The following RBMS1 variants were observed in gnomAD, a reference collection of about 807,000 sequenced individuals.
RBMS1 encodes the protein RNA-binding motif, single-stranded-interacting protein 1.
In RBMS1, 17 loss-of-function variants were observed where a neutral mutation model predicts 62.3. The ratio of observed to expected loss-of-function variants is 0.27; its 90% CI spans 0.19 to 0.41. The LOEUF is 0.41. Ranked by LOEUF, RBMS1 falls within the 10% of genes least tolerant of loss-of-function variation. RBMS1 has a pLI of 1.00. For synonymous variants in RBMS1, 172 were observed against 170.0 expected (o/e 1.01, Z -0.09); for missense variants, 334 against 504.5 (o/e 0.66, Z 3.24).
intron 2 of RBMS1, among the ~76,000 whole-genome samples, chr2:160,325,032 G>T (rs1433600926): frequency 6.6e-6 from 1 of 151,784 alleles, no homozygotes; most frequent in Non-Finnish European, 1.5e-5. Flanking sequence ...AGCAGAGTCA[G>T]TAAGGGACGT....
intron 1 of RBMS1, among the ~76,000 whole-genome samples, chr2:160,477,839 A>G (rs896948862): frequency 6.6e-6 from 1 of 152,212 alleles, no homozygotes; most frequent in Non-Finnish European, 1.5e-5. Flanking sequence ...ATGACTTTTA[A>G]GGTGTTCATC....
chr2:160,446,578 A>G (rs1199650957), intron 1 of RBMS1, among the ~76,000 whole-genome samples: 1 of 152,210 alleles, frequency 6.6e-6, no homozygotes, highest in East Asian at 1.9e-4. Context: ...CCATGGACAC[A>G]TCAATATCAA....
intron 1 of RBMS1, among the ~76,000 whole-genome samples, chr2:160,466,324 T>G (rs887547569): frequency 3.9e-5 from 6 of 152,144 alleles, no homozygotes; most frequent in Non-Finnish European, 8.8e-5. Flanking sequence ...TAGAGATTCC[T>G]CTGAATATAA....
intron 1 of RBMS1, among the ~76,000 whole-genome samples, chr2:160,400,302 G>GAAATT (rs1443988460): frequency 1.4e-5 from 2 of 145,804 alleles, no homozygotes; most frequent in Middle Eastern, 3.5e-3. Context: ...CTCGGAACTG[G>GAAATT]AAATTAAATT....
At chr2:160,387,729 C>G (rs1235521217) in intron 1 of RBMS1, among the ~76,000 whole-genome samples, 2 of 152,074 alleles carry the variant, frequency 1.3e-5, no homozygotes, top group Non-Finnish European at 2.9e-5. Context: ...CAGCCTCCCC[C>G]ACAAAACACA....
chr2:160,423,934 C>T (rs1696535450), intron 1 of RBMS1, among the ~76,000 whole-genome samples: 1 of 152,142 alleles, frequency 6.6e-6, no homozygotes, highest in South Asian at 2.1e-4. Flanking sequence ...TCCGGTCTAC[C>T]TCAATGCCTT....
intron 1 of RBMS1, among the ~76,000 whole-genome samples, chr2:160,475,745 TTTAGA>T (rs376654883): frequency 6.6e-6 from 1 of 152,328 alleles, no homozygotes; most frequent in Middle Eastern, 3.4e-3. Flanking sequence ...AAATATTGTT[TTTAGA>T]TATGTAGCCA....
chr2:160,480,709 C>G (rs957144155), intron 1 of RBMS1, among the ~76,000 whole-genome samples: 10 of 151,998 alleles, frequency 6.6e-5, no homozygotes, highest in Non-Finnish European at 1.0e-4. Context: ...CAAGCCGATG[C>G]TAAAATTTAT....
At chr2:160,493,099 C>G (rs1553535953) in intron 1 of RBMS1, 190 bp downstream of exon 1, 4 of 566,534 alleles carry the variant, frequency 7.1e-6, no homozygotes, top group South Asian at 2.3e-5. Flanking sequence ...CCCCGCACTC[C>G]GCTCCCAGGG....
intron 2 of RBMS1, among the ~76,000 whole-genome samples, chr2:160,355,535 C>T (rs1197891540): frequency 1.3e-5 from 2 of 152,064 alleles, no homozygotes; most frequent in Non-Finnish European, 2.9e-5. Context: ...TCTTCCTCTA[C>T]CCTCCCTCTG....
intron 2 of RBMS1, among the ~76,000 whole-genome samples, chr2:160,350,529 G>C (rs1035392702): frequency 6.6e-6 from 1 of 151,956 alleles, no homozygotes; most frequent in Non-Finnish European, 1.5e-5. Context: ...CCAAGGAAAC[G>C]CTGGTACTGT....
chr2:160,372,211 C>T (rs1393372933), intron 1 of RBMS1, among the ~76,000 whole-genome samples: 5 of 151,886 alleles, frequency 3.3e-5, no homozygotes, highest in African/African-American at 1.2e-4. Flanking sequence ...AGCCACTTCT[C>T]TAATAATTCT....
At chr2:160,361,337 C>A (rs1458755302) in intron 2 of RBMS1, among the ~76,000 whole-genome samples, 3 of 152,250 alleles carry the variant, frequency 2.0e-5, no homozygotes, top group African/African-American at 7.2e-5. Flanking sequence ...ATTACCAAAT[C>A]TTGCACACCT....
chr2:160,311,921 C>G (rs1689944866), intron 4 of RBMS1, among the ~76,000 whole-genome samples: 1 of 152,114 alleles, frequency 6.6e-6, no homozygotes, highest in Non-Finnish European at 1.5e-5. Flanking sequence ...AAGACTGGGA[C>G]ATAAATATCA....
At chr2:160,446,819 C>T (rs1034511423) in intron 1 of RBMS1, among the ~76,000 whole-genome samples, 1 of 152,210 alleles carries the variant, frequency 6.6e-6, no homozygotes, top group African/African-American at 2.4e-5. Flanking sequence ...TCCCACAAAA[C>T]GTTCCACATG....
At chr2:160,394,464 CATT>C (rs1695031072) in intron 1 of RBMS1, among the ~76,000 whole-genome samples, 2 of 152,162 alleles carry the variant, frequency 1.3e-5, no homozygotes, top group South Asian at 4.1e-4. Flanking sequence ...AAAGAATATT[CATT>C]ATTAGAATGT....
chr2:160,414,063 T>C (rs1307447608), intron 1 of RBMS1, among the ~76,000 whole-genome samples: 2 of 152,240 alleles, frequency 1.3e-5, no homozygotes, highest in African/African-American at 2.4e-5. Flanking sequence ...CTTCACCATT[T>C]ACCATCTGTG....
intron 1 of RBMS1, among the ~76,000 whole-genome samples, chr2:160,389,635 T>G (rs1347436555): frequency 6.8e-5 from 9 of 132,578 alleles, no homozygotes; most frequent in Middle Eastern, 5.2e-3. Context: ...GAGGTGGAGG[T>G]TGCAGTGAGC....
chr2:160,299,588 T>C (rs532514218), intron 6 of RBMS1, among the ~76,000 whole-genome samples: 1 of 152,236 alleles, frequency 6.6e-6, no homozygotes, highest in South Asian at 2.1e-4. Flanking sequence ...CAGAGCAATG[T>C]CTCAATGAGA....
Sources: gnomAD v4.1 joint callset for allele counts (sites outside exome capture counted in the v4.1 genomes callset) on GRCh38, gnomAD v4.1.1 for gene constraint, MANE v1.5 for transcripts, NCBI Gene and HGNC (gene_info 2026-07-23, HGNC 2026-07-21) for gene names.